Variants in FRMD4A observed in about 807,000 individuals in gnomAD.
FRMD4A encodes the protein FERM domain containing 4A.
A neutral mutation model predicts 129.1 loss-of-function variants in FRMD4A; 29 were observed. The observed-to-expected ratio is 0.22, with a 90% CI of 0.17 to 0.31. FRMD4A has a LOEUF of 0.31. Among genes scored for constraint, FRMD4A ranks in the 10% least tolerant of loss-of-function variants. FRMD4A has a pLI of 1.00. For missense variants in FRMD4A, 1,272 were observed against 1,375.8 expected (o/e 0.92, Z 1.19); for synonymous variants, 634 against 571.6 (o/e 1.11, Z -1.56).
At chr10:13,690,058 AAG>A (rs1266003218) in intron 15 of FRMD4A, among the ~76,000 whole-genome samples, 3 of 152,222 alleles carry the variant, frequency 2.0e-5, no homozygotes, top group East Asian at 1.9e-4. Context: ...AAGGAGGTGA[AAG>A]AGAGAAAACA....
chr10:14,112,699 T>C (rs1286212669), intron 2 of FRMD4A, among the ~76,000 whole-genome samples: 1 of 152,136 alleles, frequency 6.6e-6, no homozygotes, highest in Non-Finnish European at 1.5e-5. Flanking sequence ...CTAATTTTTG[T>C]GGTTTTGGTA....
At chr10:13,755,271 A>C (rs2091812323) in intron 8 of FRMD4A, among the ~76,000 whole-genome samples, 1 of 152,194 alleles carries the variant, frequency 6.6e-6, no homozygotes, top group South Asian at 2.1e-4. Flanking sequence ...CCTGGCAAAA[A>C]AGACTTACAA....
At chr10:14,134,433 T>C (rs1175062348) in intron 2 of FRMD4A, among the ~76,000 whole-genome samples, 1 of 146,086 alleles carries the variant, frequency 6.8e-6, no homozygotes, top group Non-Finnish European at 1.5e-5. Flanking sequence ...GGTGGATGAA[T>C]GGATAGATAT....
At chr10:13,668,965 C>T (rs924563771) in intron 17 of FRMD4A, among the ~76,000 whole-genome samples, 97 of 151,672 alleles carry the variant, frequency 6.4e-4, no homozygotes, top group African/African-American at 2.2e-3. Context: ...ACGTGTTTTA[C>T]ATACACTGGC....
chr10:14,103,871 C>T (rs1339436055), intron 2 of FRMD4A, among the ~76,000 whole-genome samples: 2 of 152,134 alleles, frequency 1.3e-5, no homozygotes, highest in Non-Finnish European at 2.9e-5. Context: ...CTCTAAATTT[C>T]ATAAAGATCA....
intron 2 of FRMD4A, among the ~76,000 whole-genome samples, chr10:14,251,775 C>A (rs1405144195): frequency 6.6e-6 from 1 of 152,110 alleles, no homozygotes; most frequent in African/African-American, 2.4e-5. Context: ...TCAGGATGAA[C>A]CCAGAGGCAA....
intron 2 of FRMD4A, among the ~76,000 whole-genome samples, chr10:14,329,572 G>A (rs1843429106): frequency 6.6e-6 from 1 of 152,182 alleles, no homozygotes; most frequent in Non-Finnish European, 1.5e-5. Context: ...CATCACTGAA[G>A]CCACAGTGAA....
chr10:13,685,265 T>C, intron 15 of FRMD4A: 1 of 985,270 alleles, frequency 1.0e-6, no homozygotes, highest in South Asian at 4.7e-5. Context: ...CACCTTTTGA[T>C]GGTGGCTGGG....
intron 2 of FRMD4A, among the ~76,000 whole-genome samples, chr10:13,871,658 G>A (rs2094440040): frequency 6.6e-6 from 1 of 152,206 alleles, no homozygotes. Context: ...GCCACTCCAG[G>A]CCTTCTCCAG....
intron 14 of FRMD4A, among the ~76,000 whole-genome samples, chr10:13,695,698 C>G (rs1252575733): frequency 6.6e-6 from 1 of 152,242 alleles, no homozygotes. Flanking sequence ...GCGAGGTTCA[C>G]CATTGTAGCT....
intron 8 of FRMD4A, among the ~76,000 whole-genome samples, chr10:13,752,309 A>G (rs1275539750): frequency 6.6e-6 from 1 of 152,232 alleles, no homozygotes; most frequent in Non-Finnish European, 1.5e-5. Context: ...AAAGATTTCT[A>G]GCAATATATC....
At chr10:13,956,878 A>G (rs1303624197) in intron 2 of FRMD4A, among the ~76,000 whole-genome samples, 1 of 152,188 alleles carries the variant, frequency 6.6e-6, no homozygotes, top group Admixed American at 6.5e-5. Context: ...AATCCTGGGA[A>G]GGGGGAAAGT....
chr10:14,055,457 ACACAAACACAC>A lies in FRMD4A; in HGVS notation c.46-196556_46-196546del, dbSNP rs560722618. 2.3e-4 allele frequency among the ~76,000 whole-genome samples: 24 copies of A among 105,444 alleles called. No homozygotes were observed. The South Asian group carries it at 6.6e-3, about 29-fold the overall frequency. The allele number at this position is 105,444 out of a possible 152,430, so 69.2% of individuals were successfully genotyped here. ...TCTAGCTACACACACACACACACACACACAAACACACACACACACACACACACACACACACA... is the reference window on the plus strand; with the variant it reads ...TCTAGCTACACACACACACACACACAACACACACACACACACACACACACA... On this transcript the variant is annotated intron_variant, in intron 2 of 24. Transcript: ENST00000357447.
Position 13,821,495 on chromosome 10 carries a change from T to C in FRMD4A, c.112-10587A>G, listed in dbSNP as rs760987563. On this transcript the variant is annotated intron_variant, in intron 3 of 24. Coordinates refer to ENST00000357447, the MANE Select transcript of FRMD4A (RefSeq NM_018027.5). The surrounding 1 kb of genome is among the most constrained non-coding windows in gnomAD (Gnocchi z 4.3). ...GTGCACATGAGACAAATCCTTTACC[T>C]CTAGTCTAGGAGTGACAGTGGCATC... Among the ~76,000 whole-genome samples, 8 of 152,026 alleles carry C rather than the reference T, an allele frequency of 5.3e-5. No homozygotes were observed. The highest frequency in any genetic ancestry group is 1.2e-4 in the Non-Finnish European group (8 of 68,020).
intron 2 of FRMD4A, among the ~76,000 whole-genome samples, chr10:14,105,401 A>T (rs905658607): frequency 6.9e-6 from 1 of 144,840 alleles, no homozygotes; most frequent in Non-Finnish European, 1.5e-5. Context: ...CCCCATCTCC[A>T]CAAAAACAAA....
intron 2 of FRMD4A, among the ~76,000 whole-genome samples, chr10:14,233,769 G>A (rs951863207): frequency 3.9e-5 from 6 of 152,204 alleles, no homozygotes; most frequent in Admixed American, 1.3e-4. Flanking sequence ...GAGAAGGAGC[G>A]GCAGCTGCAA....
At chr10:13,906,900 C>T (rs139014111) in intron 2 of FRMD4A, among the ~76,000 whole-genome samples, 298 of 152,310 alleles carry the variant, frequency 2.0e-3, no homozygotes, top group Non-Finnish European at 3.7e-3. Flanking sequence ...TGTTTGCCTT[C>T]CCATGGGAAT....
At position 14,169,423 on chromosome 10, in the gene FRMD4A, C is replaced by T. The variant is rs572552394; in HGVS notation, c.45+160635G>A. Among the ~76,000 whole-genome samples the T allele has an allele frequency of 8.5e-5, 13 of 152,254 alleles. No individual in the cohort carries two copies. The South Asian group carries it at 1.9e-3, about 22-fold the overall frequency. On this transcript the variant is annotated intron_variant, in intron 2 of 24. Coordinates refer to ENST00000357447, the MANE Select transcript of FRMD4A (RefSeq NM_018027.5). ...TCTGTAGGATTGCTTTTAGTTGTCC[C>T]GCCCAGAGCACACACACCCTTTTCC...
intron 3 of FRMD4A, among the ~76,000 whole-genome samples, chr10:13,853,366 G>T (rs1178300386): frequency 6.6e-6 from 1 of 152,182 alleles, no homozygotes; most frequent in Non-Finnish European, 1.5e-5. Context: ...GGGCAGCAGA[G>T]GGAGACCCTG....
Sources: allele counts gnomAD v4.1 joint callset (sites outside exome capture counted in the v4.1 genomes callset), GRCh38; gene constraint gnomAD v4.1.1; non-coding constraint Gnocchi (gnomAD v3.1); transcripts MANE v1.5; gene names NCBI Gene and HGNC (gene_info 2026-07-23, HGNC 2026-07-21).